Variants in PRKG1 observed in about 807,000 individuals in gnomAD.
PRKG1 encodes the protein protein kinase cGMP-dependent 1.
PRKG1 carries 35 observed loss-of-function variants against 88.1 expected under a neutral mutation model. The ratio of observed to expected loss-of-function variants is 0.40; its 90% confidence interval spans 0.30 to 0.53. The LOEUF (loss-of-function observed/expected upper bound fraction) is 0.53. PRKG1 is among the 20% of genes least tolerant of loss of function. The probability of loss-of-function intolerance (pLI) is 0.59; values close to 1 mark genes in which losing one functional copy is unlikely to be tolerated. For missense variants in PRKG1, 540 were observed against 839.8 expected (o/e 0.64, Z 4.41); for synonymous variants, 303 against 292.5 (o/e 1.04, Z -0.37).
chr10:52,050,872 TA>T (rs1199987781), intron 5 of PRKG1, among the ~76,000 whole-genome samples: 2 of 152,152 alleles, frequency 1.3e-5, no homozygotes, highest in Non-Finnish European at 2.9e-5. Flanking sequence ...ATTAAGAATA[TA>T]AAAAATTTAG....
Position 51,979,410 on chromosome 10 carries a change from G to GTTTTTTTTTTTTTTTTTTTTTT in PRKG1, c.762+71843_762+71864dup. Among the ~76,000 whole-genome samples, 11 of 47,056 alleles carry GTTTTTTTTTTTTTTTTTTTTTT rather than the reference G, an allele frequency of 2.3e-4. 2 individuals carry two copies. Among genetic ancestry groups the GTTTTTTTTTTTTTTTTTTTTTT allele is most frequent in the African/African-American group, 1.7e-4 (2 of 11,870 alleles). The allele number at this position is 47,056 out of a possible 152,430, so 30.9% of individuals were successfully genotyped here. ...CAATATTCATCATGGATATTGGTCTGTTTTTTTTTTTTTTTTTTTTTTTTC... is the reference window on the plus strand; with the variant it reads ...CAATATTCATCATGGATATTGGTCTGTTTTTTTTTTTTTTTTTTTTTTTTTTTTTTTTTTTTTTTTTTTTTTC... On this transcript the variant is annotated intron_variant, in intron 5 of 17. Transcript: ENST00000373980.
intron 3 of PRKG1, among the ~76,000 whole-genome samples, chr10:51,735,876 TA>T (rs1293066194): frequency 7.3e-4 from 89 of 121,270 alleles, no homozygotes; most frequent in African/African-American, 2.1e-3. Context: ...TATATATATA[TA>T]TATGTATATT....
chr10:51,828,507 G>C (rs1839931164), intron 4 of PRKG1, among the ~76,000 whole-genome samples: 1 of 152,056 alleles, frequency 6.6e-6, no homozygotes, highest in African/African-American at 2.4e-5. Context: ...TTAGAGAAGT[G>C]GTAGTCACCA....
At chr10:52,009,374 C>A (rs563622490) in intron 5 of PRKG1, among the ~76,000 whole-genome samples, 2 of 152,090 alleles carry the variant, frequency 1.3e-5, no homozygotes, top group East Asian at 1.9e-4. Context: ...TCCTATGCAC[C>A]AACAGCATCC....
rs115140531 is a variant in PRKG1, at chr10:51,509,668, G to A, written c.592+41832G>A. ...TGGATTACAGGCAGGAGCCTAGCCA[G>A]CAGTAATATCTTCTGAATACCTAAT... On this transcript the variant is annotated intron_variant, in intron 3 of 17. Transcript: ENST00000373980. Among the ~76,000 whole-genome samples the A allele has an allele frequency of 6.8e-3, 1,038 of 152,230 alleles. 9 individuals carry two copies. The highest frequency in any genetic ancestry group is 0.024 in the African/African-American group (998 of 41,542).
chr10:51,419,122 G>A (rs978427045), intron 2 of PRKG1, among the ~76,000 whole-genome samples: 7 of 152,160 alleles, frequency 4.6e-5, no homozygotes, highest in African/African-American at 1.7e-4. Context: ...AAAAAGTCAT[G>A]TATTGTGATT....
intron 3 of PRKG1, among the ~76,000 whole-genome samples, chr10:51,554,080 ATG>A (rs1188512553): frequency 7.6e-6 from 1 of 131,976 alleles, no homozygotes; most frequent in African/African-American, 3.1e-5. Context: ...ATATGTGCGT[ATG>A]TGATACGTGT....
chr10:52,110,465 G>C (rs1847536610), intron 7 of PRKG1, among the ~76,000 whole-genome samples: 1 of 152,016 alleles, frequency 6.6e-6, no homozygotes, highest in South Asian at 2.1e-4. Context: ...TTTTTAGAAA[G>C]ATGGAGGCAG....
chr10:51,019,941 G>C (rs1339532021), intron 1 of PRKG1, among the ~76,000 whole-genome samples: 3 of 152,004 alleles, frequency 2.0e-5, no homozygotes, highest in Non-Finnish European at 2.9e-5. Context: ...TCAAAACTAT[G>C]AGATGCTACT....
intron 3 of PRKG1, among the ~76,000 whole-genome samples, chr10:51,571,343 A>G (rs1837747705): frequency 6.6e-6 from 1 of 151,976 alleles, no homozygotes; most frequent in Non-Finnish European, 1.5e-5. Flanking sequence ...TACTGTCTCA[A>G]CATTATGATT....
chr10:51,273,846 T>C (rs920384019), intron 2 of PRKG1, among the ~76,000 whole-genome samples: 1 of 152,206 alleles, frequency 6.6e-6, no homozygotes, highest in Non-Finnish European at 1.5e-5. Flanking sequence ...ACCCACCTTA[T>C]GCTTTCGGCA....
At chr10:51,076,900 T>A (rs1843966978) in intron 1 of PRKG1, among the ~76,000 whole-genome samples, 1 of 152,206 alleles carries the variant, frequency 6.6e-6, no homozygotes. Context: ...ACTTGTATTT[T>A]AAAGGACTCA....
At chr10:51,576,577 A>G (rs764654913) in intron 3 of PRKG1, among the ~76,000 whole-genome samples, 3 of 151,922 alleles carry the variant, frequency 2.0e-5, no homozygotes, top group Admixed American at 6.6e-5. Context: ...AATCCTAATA[A>G]TGGGAATAGT....
At chr10:51,910,346 GAGACTGAGAGAAAA>G (rs1589413558) in intron 5 of PRKG1, 1 of 152,134 alleles carries the variant, frequency 6.6e-6, no homozygotes, top group East Asian at 1.9e-4. Flanking sequence ...ATCCTCCCAA[GAGACTGAGAGAAAA>G]GGATCTGTCT....
chr10:52,078,428 A>G (rs759245811), intron 7 of PRKG1, among the ~76,000 whole-genome samples: 2 of 152,224 alleles, frequency 1.3e-5, no homozygotes, highest in African/African-American at 2.4e-5. Context: ...GCGGAAAATA[A>G]TAGGTTATAG....
At chr10:51,850,020 G>A (rs1304801102) in intron 4 of PRKG1, among the ~76,000 whole-genome samples, 3 of 151,740 alleles carry the variant, frequency 2.0e-5, no homozygotes, top group Non-Finnish European at 4.4e-5. Flanking sequence ...CACAGTGTAC[G>A]CCAGAATGAA....
chr10:51,842,150 T>C (rs1190314283), intron 4 of PRKG1, among the ~76,000 whole-genome samples: 1 of 152,202 alleles, frequency 6.6e-6, no homozygotes, highest in Admixed American at 6.5e-5. Context: ...ATACTTGTCC[T>C]ATGGGCTTTG....
chr10:52,191,479 A>G (rs1564510492), intron 9 of PRKG1, among the ~76,000 whole-genome samples: 3 of 152,116 alleles, frequency 2.0e-5, no homozygotes, highest in Admixed American at 2.0e-4. Flanking sequence ...GGGTTGTTAA[A>G]GAAACTGAAT....
At chr10:52,192,654 T>C (rs10824227) in intron 9 of PRKG1, among the ~76,000 whole-genome samples, 32,363 of 152,038 alleles carry the variant, frequency 0.21, 4,894 homozygotes, top group African/African-American at 0.43. Context: ...CTTATGCAAC[T>C]AATTGAATTA....
Sources: gnomAD v4.1 joint callset for allele counts (sites outside exome capture counted in the v4.1 genomes callset) on GRCh38, gnomAD v4.1.1 for gene constraint, MANE v1.5 for transcripts, NCBI Gene and HGNC (gene_info 2026-07-23, HGNC 2026-07-21) for gene names.